The following TLE4 variants were observed in gnomAD, a reference collection of about 807,000 sequenced individuals.
TLE4 encodes the protein TLE family member 4, transcriptional corepressor.
A neutral mutation model predicts 92.8 loss-of-function variants in TLE4; 8 were observed. The ratio of observed to expected loss-of-function variants is 0.09; its 90% CI spans 0.05 to 0.16. The LOEUF is 0.16. Among genes scored for constraint, TLE4 ranks in the 10% least tolerant of loss-of-function variants. TLE4 has a pLI of 1.00. For missense variants in TLE4, 675 were observed against 997.6 expected (o/e 0.68, Z 4.36); for synonymous variants, 371 against 374.1 (o/e 0.99, Z 0.10).
intron 8 of TLE4, among the ~76,000 whole-genome samples, chr9:79,688,508 A>G (rs1036131548): frequency 6.6e-6 from 1 of 152,084 alleles, no homozygotes; most frequent in Non-Finnish European, 1.5e-5. Flanking sequence ...ATTTTTTAAT[A>G]TGTTCCTATC....
At chr9:79,639,717 A>T (rs1267777243) in intron 6 of TLE4, among the ~76,000 whole-genome samples, 2 of 152,184 alleles carry the variant, frequency 1.3e-5, no homozygotes, top group Non-Finnish European at 2.9e-5. Context: ...CAGTGCAGTA[A>T]CATGCTGTTC....
At chr9:79,720,907 A>T (rs1216766282) in intron 16 of TLE4, among the ~76,000 whole-genome samples, 1 of 152,186 alleles carries the variant, frequency 6.6e-6, no homozygotes, top group Non-Finnish European at 1.5e-5. Context: ...AAATGAGATT[A>T]TAAAAGATTG....
At chr9:79,723,132 C>T in intron 19 of TLE4, 97 bp downstream of exon 19, 2 of 1,167,742 alleles carry the variant, frequency 1.7e-6, no homozygotes, top group South Asian at 1.3e-5. Context: ...CCTGGGAGGT[C>T]AGAGCTAGTA....
At chr9:79,593,039 T>G (rs2043086465) in intron 4 of TLE4, among the ~76,000 whole-genome samples, 1 of 152,250 alleles carries the variant, frequency 6.6e-6, no homozygotes. Flanking sequence ...AGGCATATTC[T>G]GTATTTTCAA....
At chr9:79,625,713 A>G (rs2052441043) in intron 5 of TLE4, among the ~76,000 whole-genome samples, 1 of 152,084 alleles carries the variant, frequency 6.6e-6, no homozygotes, top group Non-Finnish European at 1.5e-5. Context: ...CTGAAATGAC[A>G]ATTGCTGGCC....
intron 4 of TLE4, among the ~76,000 whole-genome samples, chr9:79,612,332 A>C (rs1467221679): frequency 6.6e-6 from 1 of 152,122 alleles, no homozygotes; most frequent in African/African-American, 2.4e-5. Context: ...GTTTTATGGA[A>C]AACATTAGTA....
At chr9:79,656,369 A>G (rs1011457327) in intron 8 of TLE4, among the ~76,000 whole-genome samples, 1 of 152,216 alleles carries the variant, frequency 6.6e-6, no homozygotes, top group African/African-American at 2.4e-5. Flanking sequence ...TTTATGCAAG[A>G]TAATGCTCCT....
chr9:79,629,850 C>T (rs2053715060), intron 6 of TLE4, among the ~76,000 whole-genome samples: 1 of 152,122 alleles, frequency 6.6e-6, no homozygotes, highest in Admixed American at 6.5e-5. Context: ...TGCTTGCATC[C>T]AGTAGTTTTT....
chr9:79,652,511 T>G, intron 6 of TLE4, 82 bp from the exon 7 acceptor site: 2 of 1,523,182 alleles, frequency 1.3e-6, no homozygotes, highest in South Asian at 1.1e-5. Flanking sequence ...TACTGCCGAT[T>G]TATGCCTCCT....
rs1316115159 is a variant in TLE4 at position 79,722,992 on chromosome 9, T to A, written c.2171T>A (p.Leu724His). Residue 724 changes from leucine (L) to histidine (H), a missense_variant, in exon 19 of 20, where the codon CTT (leucine) becomes CAT (histidine). Physicochemically the swap from Leu to His is moderately conservative, Grantham distance 99 (BLOSUM62 -3). This residue lies in a region of TLE4 where 170 missense variants were observed against 359.6 expected (regional missense o/e 0.47). Coordinates refer to ENST00000376552, the MANE Select transcript of TLE4 (RefSeq NM_007005.6). Reference protein sequence around the residue: ...KWFVSTGKDNLLNAWRTPYGA... With the variant: ...KWFVSTGKDNHLNAWRTPYGA... ...TTTGTAAGCACTGGAAAGGACAACC[T>A]TCTGAATGCCTGGAGAACACCTTAT... The A allele has an allele frequency of 6.2e-7, 1 of 1,614,228 alleles. No homozygotes were observed. The highest frequency in any genetic ancestry group is 1.1e-5 in the South Asian group (1 of 91,082).
At chr9:79,581,318 C>T (rs1298286071) in intron 4 of TLE4, among the ~76,000 whole-genome samples, 1 of 152,152 alleles carries the variant, frequency 6.6e-6, no homozygotes, top group Non-Finnish European at 1.5e-5. Context: ...ATTACAGCAC[C>T]TGCACGGGAA....
intron 5 of TLE4, among the ~76,000 whole-genome samples, chr9:79,624,330 C>T (rs1192155932): frequency 6.6e-6 from 1 of 152,084 alleles, no homozygotes; most frequent in Non-Finnish European, 1.5e-5. Flanking sequence ...CTTCCTCAGG[C>T]TGTGGCGTAA....
Position 79,572,740 on chromosome 9 carries a change from A to G in TLE4, c.-51A>G. On this transcript the variant is annotated 5_prime_UTR_variant, in exon 1 of 20. Transcript: ENST00000376552. ...GCCGCCTCCTCTTCGGGGTCATTAA[A>G]GCCAATGAGCCGCGCGCCTCTGCCG... 2.5e-6 allele frequency: 4 copies of G among 1,582,400 alleles called. No homozygotes were observed. Among genetic ancestry groups the G allele is most frequent in the South Asian group, 1.1e-5 (1 of 88,234 alleles).
intron 8 of TLE4, among the ~76,000 whole-genome samples, chr9:79,680,805 A>G (rs1411452434): frequency 1.3e-5 from 2 of 152,232 alleles, no homozygotes; most frequent in African/African-American, 4.8e-5. Flanking sequence ...CATCCCATCA[A>G]TACCTAATTT....
At chr9:79,589,039 G>A (rs1202004464) in intron 4 of TLE4, among the ~76,000 whole-genome samples, 1 of 152,208 alleles carries the variant, frequency 6.6e-6, no homozygotes, top group African/African-American at 2.4e-5. Context: ...CATGTAGTGG[G>A]TAGAGTCTGG....
chr9:79,710,912 G>A (rs1299076266), intron 14 of TLE4, among the ~76,000 whole-genome samples: 5 of 152,070 alleles, frequency 3.3e-5, no homozygotes, highest in South Asian at 4.2e-4. Context: ...TGGTGCTCAC[G>A]GTATGGATTT....
intron 9 of TLE4, 107 bp from the exon 10 acceptor site, chr9:79,705,782 G>A: frequency 9.1e-7 from 1 of 1,103,486 alleles, no homozygotes; most frequent in Non-Finnish European, 1.4e-6. Flanking sequence ...ACACTGTTTG[G>A]TACAGCTCAT....
chr9:79,669,287 GC>G (rs2061886707), intron 8 of TLE4, among the ~76,000 whole-genome samples: 1 of 152,028 alleles, frequency 6.6e-6, no homozygotes, highest in Non-Finnish European at 1.5e-5. Flanking sequence ...TTAAAAGCCA[GC>G]AAAACTCACC....
At chr9:79,688,711 C>T (rs2135470721) in intron 8 of TLE4, among the ~76,000 whole-genome samples, 1 of 151,710 alleles carries the variant, frequency 6.6e-6, no homozygotes, top group African/African-American at 2.4e-5. Context: ...TATAAAACAT[C>T]AAAGCCTCGA....
Sources: allele counts gnomAD v4.1 joint callset (sites outside exome capture counted in the v4.1 genomes callset), GRCh38; gene constraint gnomAD v4.1.1; regional missense constraint gnomAD v4.1.1; transcripts MANE v1.5; gene names NCBI Gene and HGNC (gene_info 2026-07-23, HGNC 2026-07-21).